Variants in DLGAP1 observed in about 807,000 individuals in gnomAD.
DLGAP1 encodes the protein disks large-associated protein 1.
Under a neutral mutation model 90.8 loss-of-function variants are expected in DLGAP1, and 11 were observed. The observed-to-expected ratio is 0.12, with a 90% CI of 0.08 to 0.20. The LOEUF (loss-of-function observed/expected upper bound fraction) is 0.20, where lower values mean the gene tolerates loss of function less well. Among genes scored for constraint, DLGAP1 ranks in the 10% least tolerant of loss-of-function variants. DLGAP1 has a pLI of 1.00. For synonymous variants in DLGAP1, 558 were observed against 540.7 expected (o/e 1.03, Z -0.44); for missense variants, 1,050 against 1,333.8 (o/e 0.79, Z 3.31).
At position 3,902,877 on chromosome 18, in the gene DLGAP1, G is replaced by A. The variant is rs570532028; in HGVS notation, c.-72-22737C>T. ...TGGCCTTGAGCCTTCCTCTCAGTGG[G>A]AAGCCCTCAGAATCCTACAGACCTT... On this transcript the variant is annotated intron_variant, in intron 3 of 12. Transcript: ENST00000315677. Among the ~76,000 whole-genome samples the A allele has an allele frequency of 2.8e-4, 42 of 151,996 alleles. 1 individual carries two copies. The highest frequency in any genetic ancestry group is 2.1e-4 in the Non-Finnish European group (14 of 67,980).
In DLGAP1 at chr18:3,813,043, G is replaced by A. The variant is rs188435917; in HGVS notation, c.1172+1016C>T. 2.2e-3 allele frequency among the ~76,000 whole-genome samples: 333 copies of A among 152,190 alleles called. 2 individuals carry two copies. The highest frequency in any genetic ancestry group is 7.7e-3 in the African/African-American group (319 of 41,522). On this transcript the variant is annotated intron_variant, in intron 5 of 12. Coordinates refer to ENST00000315677, the MANE Select transcript of DLGAP1 (RefSeq NM_004746.4). Reference sequence around the variant, plus strand: ...CTAAAGAATTTACTCTCTATAAACAGCATTTAGAATGAAATCAGGTCTTGC... The same window carrying A: ...CTAAAGAATTTACTCTCTATAAACAACATTTAGAATGAAATCAGGTCTTGC...
chr18:4,188,122 T>C (rs968276608), intron 1 of DLGAP1, among the ~76,000 whole-genome samples: 3 of 152,138 alleles, frequency 2.0e-5, no homozygotes, highest in African/African-American at 7.2e-5. Context: ...TCCCTCCTTG[T>C]TTTTGGTGAT....
At chr18:3,908,873 G>T (rs889349039) in intron 3 of DLGAP1, among the ~76,000 whole-genome samples, 2 of 152,096 alleles carry the variant, frequency 1.3e-5, no homozygotes, top group Non-Finnish European at 2.9e-5. Flanking sequence ...AGAGGCAAAG[G>T]CTTGCATATT....
At position 3,653,880 on chromosome 18, in the gene DLGAP1, G is replaced by GC. The variant is rs1349543879; in HGVS notation, c.1592-71633dup. 2.2e-4 allele frequency: 34 copies of GC among 152,290 alleles called. No homozygotes were observed. The highest frequency in any genetic ancestry group is 7.7e-4 in the African/African-American group (32 of 41,560). 9.4% of individuals were successfully genotyped at this position (152,290 alleles called of 1,614,324 possible). A position where few individuals can be genotyped will look rare whatever the true frequency, so the allele number is the denominator to read the frequency against. On this transcript the variant is annotated intron_variant, in intron 7 of 12. Coordinates refer to ENST00000315677, the MANE Select transcript of DLGAP1 (RefSeq NM_004746.4). This position sits in a 1 kb window ranked among gnomAD's most constrained non-coding sequence, Gnocchi z 4.6. ...GAATTCATTCTGCAGATGGAAAGTT[G>GC]CAAGTACGGTAATTAGCTAAGCAGT...
intron 7 of DLGAP1, among the ~76,000 whole-genome samples, chr18:3,669,678 G>A (rs540779691): frequency 6.6e-6 from 1 of 152,170 alleles, no homozygotes; most frequent in Non-Finnish European, 1.5e-5. Context: ...CTAGGGGAAG[G>A]CCATCTTCCT....
At chr18:3,857,206 A>G (rs776239704) in intron 4 of DLGAP1, among the ~76,000 whole-genome samples, 1 of 152,212 alleles carries the variant, frequency 6.6e-6, no homozygotes, top group African/African-American at 2.4e-5. Flanking sequence ...TACTTGCATT[A>G]CTTTCTTCAA....
intron 2 of DLGAP1, among the ~76,000 whole-genome samples, chr18:4,034,672 C>T (rs948340439): frequency 2.0e-5 from 3 of 152,140 alleles, no homozygotes; most frequent in Non-Finnish European, 2.9e-5. Flanking sequence ...TTCAAGAGAA[C>T]GTCACTTATT....
intron 2 of DLGAP1, among the ~76,000 whole-genome samples, chr18:4,021,435 T>TA (rs1264735743): frequency 6.6e-6 from 1 of 152,136 alleles, no homozygotes; most frequent in Non-Finnish European, 1.5e-5. Flanking sequence ...ACATGCCTAC[T>TA]CTTGCTTCAC....
At chr18:4,194,634 C>T (rs542196277) in intron 1 of DLGAP1, among the ~76,000 whole-genome samples, 1 of 152,142 alleles carries the variant, frequency 6.6e-6, no homozygotes, top group Non-Finnish European at 1.5e-5. Context: ...CAGCTAACAT[C>T]TATTTAGCCA....
At chr18:3,680,380 G>A (rs1382157463) in intron 7 of DLGAP1, among the ~76,000 whole-genome samples, 2 of 152,196 alleles carry the variant, frequency 1.3e-5, no homozygotes, top group Non-Finnish European at 2.9e-5. Flanking sequence ...GAAGGAAGGG[G>A]TACAGGTGAG....
intron 2 of DLGAP1, among the ~76,000 whole-genome samples, chr18:4,101,813 T>C (rs1446657546): frequency 6.6e-6 from 1 of 151,988 alleles, no homozygotes; most frequent in African/African-American, 2.4e-5. Flanking sequence ...TACATGAATA[T>C]AGATCTGTAA....
chr18:4,330,193 T>C (rs542454161), intron 1 of DLGAP1, among the ~76,000 whole-genome samples: 105 of 152,190 alleles, frequency 6.9e-4, no homozygotes, highest in South Asian at 4.8e-3. Context: ...TTCATTTCTG[T>C]AGAATCTGTA....
chr18:3,554,545 G>A lies in DLGAP1; in HGVS notation c.2057+12945C>T, dbSNP rs866948287. The stretch of plus-strand genomic sequence containing the variant: ...TTCCTCTGTCCACGGTCCTCACCGC[G>A]AGGCAGCCCCAGAGAATGGACAATG... On this transcript the variant is annotated intron_variant, in intron 9 of 12. Coordinates refer to ENST00000315677, the MANE Select transcript of DLGAP1 (RefSeq NM_004746.4). 1.1e-4 allele frequency among the ~76,000 whole-genome samples: 17 copies of A among 152,162 alleles called. 1 individual carries two copies. Among genetic ancestry groups the A allele is most frequent in the South Asian group, 6.2e-4 (3 of 4,826 alleles).
chr18:3,650,611 A>AG (rs1227078684), intron 7 of DLGAP1, among the ~76,000 whole-genome samples: 1 of 152,206 alleles, frequency 6.6e-6, no homozygotes, highest in East Asian at 1.9e-4. Context: ...TGCAGAAACA[A>AG]GTTTCTTGAG....
chr18:4,181,054 G>T (rs1434112378), intron 1 of DLGAP1, among the ~76,000 whole-genome samples: 8 of 152,164 alleles, frequency 5.3e-5, no homozygotes, highest in Admixed American at 5.2e-4. Flanking sequence ...TTAGATAAGA[G>T]TGTCTCACAT....
At chr18:3,692,537 A>G (rs1471380256) in intron 7 of DLGAP1, among the ~76,000 whole-genome samples, 1 of 152,180 alleles carries the variant, frequency 6.6e-6, no homozygotes, top group East Asian at 1.9e-4. Flanking sequence ...AGGTTGTTCA[A>G]TACCTCTTCC....
intron 7 of DLGAP1, chr18:3,594,570 G>C (rs2056472005): frequency 6.6e-6 from 1 of 152,118 alleles, no homozygotes; most frequent in Non-Finnish European, 1.5e-5. Flanking sequence ...GCTCAGAATG[G>C]CGTCCTTTTT....
chr18:3,527,410 C>CTTTTTTTT (rs3075071), intron 10 of DLGAP1, among the ~76,000 whole-genome samples: 11 of 100,670 alleles, frequency 1.1e-4, no homozygotes, highest in Admixed American at 2.4e-4. Flanking sequence ...ATTTTCCAAA[C>CTTTTTTTT]TTTTTTTTTT....
intron 1 of DLGAP1, among the ~76,000 whole-genome samples, chr18:4,447,834 C>T (rs892276003): frequency 3.9e-5 from 6 of 152,190 alleles, no homozygotes; most frequent in African/African-American, 1.4e-4. Context: ...ATGCTTCTCT[C>T]TGTCCCAGTC....
Sources: gnomAD v4.1 joint callset for allele counts (sites outside exome capture counted in the v4.1 genomes callset) on GRCh38, gnomAD v4.1.1 for gene constraint, Gnocchi (gnomAD v3.1) non-coding constraint, MANE v1.5 for transcripts, NCBI Gene and HGNC (gene_info 2026-07-23, HGNC 2026-07-21) for gene names.